Variants in PCDHGA4 observed in about 807,000 individuals in gnomAD.
PCDHGA4 encodes protocadherin gamma-A4.
PCDHGA4 carries 38 observed loss-of-function variants against 54.6 expected under a neutral mutation model. The ratio of observed to expected loss-of-function variants is 0.70; its 90% CI spans 0.54 to 0.91. The LOEUF (loss-of-function observed/expected upper bound fraction) is 0.91, where lower values mean the gene tolerates loss of function less well. Among genes scored for constraint, PCDHGA4 ranks in the 40% least tolerant of loss-of-function variants. The pLI is 0.00. For missense variants in PCDHGA4, 1,298 were observed against 1,220.9 expected, an observed-to-expected ratio of 1.06 and a Z score of -0.94; for synonymous variants, 511 against 512.9, an observed-to-expected ratio of 1.00 and a Z score of 0.05.
At chr5:141,405,227 C>A (rs562247940) in intron 1 of PCDHGA4, 1 of 1,614,114 alleles carries the variant, frequency 6.2e-7, no homozygotes. Context: ...GGAGTTCTCC[C>A]TCACCGCTGA....
In PCDHGA4 at chr5:141,489,739, G is replaced by A; in HGVS notation, c.2515-5068G>A. On this transcript the variant is annotated intron_variant, in intron 1 of 3. Transcript: ENST00000571252. The surrounding 1 kb of genome is among the most constrained non-coding windows in gnomAD (Gnocchi z 4.5). Reference sequence around the variant, plus strand: ...GGATCCGGATGTGGGCACCAATACTGTGAGCTTTTACACTCTAAGCCCCAA... The same window carrying A: ...GGATCCGGATGTGGGCACCAATACTATGAGCTTTTACACTCTAAGCCCCAA... 3 of 1,614,170 alleles carry A rather than the reference G, an allele frequency of 1.9e-6. No homozygotes were observed. The highest frequency in any genetic ancestry group is 2.2e-5 in the South Asian group (2 of 91,076).
At position 141,487,267 on chromosome 5, in the gene PCDHGA4, G is replaced by A; in HGVS notation, c.2515-7540G>A. 3 of 1,614,134 alleles carry A rather than the reference G, an allele frequency of 1.9e-6. No individual in the cohort carries two copies. The highest frequency in any genetic ancestry group is 2.5e-6 in the Non-Finnish European group (3 of 1,180,024). ...CCCTCTACTTGGCTGTGTCCCTAGT[G>A]GCAATTTGCTTTGTCTCCTTTGGCT... is the stretch of plus-strand genomic sequence containing the variant. On this transcript the variant is annotated intron_variant, in intron 1 of 3. Transcript: ENST00000571252. The surrounding 1 kb of genome is among the most constrained non-coding windows in gnomAD (Gnocchi z 5.0).
intron 1 of PCDHGA4, chr5:141,384,703 G>A (rs776947081): frequency 6.2e-7 from 1 of 1,614,100 alleles, no homozygotes; most frequent in South Asian, 1.1e-5. Flanking sequence ...AGGCCAGAAC[G>A]CCTGGCTGTC....
At position 141,381,820 on chromosome 5, in the gene PCDHGA4, C is replaced by CTTTCTTTCT. The variant is rs1279410534; in HGVS notation, c.2514+24201_2514+24202insTCTTTCTTT. On this transcript the variant is annotated intron_variant, in intron 1 of 3. Transcript: ENST00000571252. ...TCCCTCTTTCTTTCTTTCTTTCTTT[C>CTTTCTTTCT]TTCTTCTTTTTTTTTTTTTTTTTTT... is the stretch of plus-strand genomic sequence containing the variant. 4.1e-3 allele frequency among the ~76,000 whole-genome samples: 486 copies of CTTTCTTTCT among 119,674 alleles called. 3 individuals carry two copies. The highest frequency in any genetic ancestry group is 0.016 in the African/African-American group (465 of 29,196). The allele number at this position is 119,674 out of a possible 152,430, so 78.5% of individuals were successfully genotyped here.
Position 141,418,145 on chromosome 5 carries a change from T to C in PCDHGA4, c.2514+60524T>C, listed in dbSNP as rs1329322927. On this transcript the variant is annotated intron_variant, in intron 1 of 3. Coordinates refer to ENST00000571252, the MANE Select transcript of PCDHGA4 (RefSeq NM_018917.4). ...GGACCGAATAGACCGTGAGCAAATATGCAAAGAGAGAAGAAGATGTGAGTT... is the reference window on the plus strand; with the variant it reads ...GGACCGAATAGACCGTGAGCAAATACGCAAAGAGAGAAGAAGATGTGAGTT... The C allele has an allele frequency of 5.6e-6, 9 of 1,613,934 alleles. No homozygotes were observed. In the African/African-American group the frequency reaches 8.0e-5, roughly 14 times the overall value.
At chr5:141,510,272 T>TAAAA (rs546154379) in intron 3 of PCDHGA4, among the ~76,000 whole-genome samples, 4 of 130,388 alleles carry the variant, frequency 3.1e-5, no homozygotes, top group Non-Finnish European at 4.9e-5. Context: ...GACTCCATCT[T>TAAAA]AAAAAAAAAA....
intron 1 of PCDHGA4, among the ~76,000 whole-genome samples, chr5:141,483,644 G>A (rs2099584188): frequency 6.8e-6 from 1 of 146,522 alleles, no homozygotes; most frequent in African/African-American, 2.7e-5. Context: ...AGAGGGGTGT[G>A]TGTTTGTGTG....
At chr5:141,386,173 C>T (rs72790028) in intron 1 of PCDHGA4, among the ~76,000 whole-genome samples, 9,793 of 152,202 alleles carry the variant, frequency 0.064, 369 homozygotes, top group African/African-American at 0.1. Flanking sequence ...AACCTTAGAC[C>T]ATCTTATGTA....
At chr5:141,471,302 C>T (rs111827070) in intron 1 of PCDHGA4, 9,302 of 152,168 alleles carry the variant, frequency 0.061, 339 homozygotes, top group South Asian at 0.12. Flanking sequence ...CCACCCAACT[C>T]GGCCTCCCAA....
chr5:141,360,926 T>C, intron 1 of PCDHGA4: 1 of 1,613,986 alleles, frequency 6.2e-7, no homozygotes, highest in Non-Finnish European at 8.5e-7. Flanking sequence ...GTGCTTCAAG[T>C]GACAGCCACC....
In PCDHGA4 at chr5:141,357,084, C is replaced by T. The variant is rs1399515564; in HGVS notation, c.1977C>T (p.Thr659=). The change falls in exon 1 of 4, where the codon ACC becomes ACT. Residue 659 remains threonine, a synonymous_variant. Transcript: ENST00000571252. ...AVGLHTGEVR[T]ARALLDRDAL... ...GGCTGCACACAGGCGAGGTGCGCAC[C>T]GCACGGGCCCTGCTGGACAGAGACG... The T allele has an allele frequency of 2.5e-6, 4 of 1,613,912 alleles. No homozygotes were observed. The highest frequency in any genetic ancestry group is 2.2e-5 in the South Asian group (2 of 91,088).
intron 1 of PCDHGA4, chr5:141,389,498 A>C: frequency 6.2e-7 from 1 of 1,613,046 alleles, no homozygotes; most frequent in African/African-American, 1.3e-5. Context: ...AGGGCTCGCC[A>C]GCGCTCAGCG....
intron 3 of PCDHGA4, among the ~76,000 whole-genome samples, chr5:141,505,989 T>C (rs1275642739): frequency 6.6e-6 from 1 of 152,136 alleles, no homozygotes; most frequent in Non-Finnish European, 1.5e-5. Context: ...ACACCTCCTC[T>C]TTATGCGAGG....
intron 1 of PCDHGA4, among the ~76,000 whole-genome samples, chr5:141,439,595 G>A (rs752771969): frequency 3.9e-5 from 6 of 152,192 alleles, no homozygotes; most frequent in Non-Finnish European, 5.9e-5. Flanking sequence ...CTGTTGGCCA[G>A]TCTGGAAACA....
At chr5:141,430,567 A>G in intron 1 of PCDHGA4, 1 of 434,308 alleles carries the variant, frequency 2.3e-6, no homozygotes, top group Non-Finnish European at 3.9e-6. Context: ...GGGGAGAGAA[A>G]AGCGGAGATC....
At chr5:141,377,770 T>A (rs1774342115) in intron 1 of PCDHGA4, 1 of 152,210 alleles carries the variant, frequency 6.6e-6, no homozygotes, top group South Asian at 2.1e-4. Flanking sequence ...ATCTTTGGTG[T>A]TAAAAGACCT....
intron 1 of PCDHGA4, among the ~76,000 whole-genome samples, chr5:141,386,342 A>C (rs1000567568): frequency 2.0e-5 from 3 of 152,226 alleles, no homozygotes; most frequent in Non-Finnish European, 2.9e-5. Context: ...GGGGTGGATG[A>C]CAAGGTAATC....
chr5:141,400,343 A>G, intron 1 of PCDHGA4: 1 of 1,614,026 alleles, frequency 6.2e-7, no homozygotes, highest in South Asian at 1.1e-5. Context: ...CCCCCCAACT[A>G]CAGTCAGGGG....
intron 1 of PCDHGA4, among the ~76,000 whole-genome samples, chr5:141,488,544 C>G (rs1225754325): frequency 6.6e-6 from 1 of 152,166 alleles, no homozygotes; most frequent in African/African-American, 2.4e-5. Flanking sequence ...AGTCCCATGT[C>G]AGCTGACATT....
Sources: allele counts gnomAD v4.1 joint callset (sites outside exome capture counted in the v4.1 genomes callset), GRCh38; gene constraint gnomAD v4.1.1; non-coding constraint Gnocchi (gnomAD v3.1); transcripts MANE v1.5; gene names NCBI Gene and HGNC (gene_info 2026-07-23, HGNC 2026-07-21).